Variants in SLC29A4 observed in about 807,000 individuals in gnomAD.
The protein encoded by SLC29A4 is equilibrative nucleoside transporter 4.
A neutral mutation model predicts 43.9 loss-of-function variants in SLC29A4; 36 were observed. The ratio of observed to expected loss-of-function variants is 0.82; its 90% CI spans 0.63 to 1.08. The LOEUF is 1.08. Ranked by LOEUF, SLC29A4 falls within the 50% of genes least tolerant of loss-of-function variation. The pLI is 0.00. For missense variants in SLC29A4, 869 were observed against 755.3 expected, an observed-to-expected ratio of 1.15 and a Z score of -1.77; for synonymous variants, 491 against 338.0, an observed-to-expected ratio of 1.45 and a Z score of -4.97.
chr7:5,284,442 C>T (rs1248029414), intron 1 of SLC29A4, among the ~76,000 whole-genome samples: 1 of 152,164 alleles, frequency 6.6e-6, no homozygotes, highest in South Asian at 2.1e-4. Flanking sequence ...TGAGGGGTGG[C>T]CTCAAGGCCA....
At chr7:5,287,532 G>A (rs1377243451) in intron 1 of SLC29A4, among the ~76,000 whole-genome samples, 2 of 152,146 alleles carry the variant, frequency 1.3e-5, no homozygotes, top group Admixed American at 6.6e-5. Flanking sequence ...AGTCCCGGCC[G>A]CATGGCATCA....
chr7:5,283,959 T>C (rs1784806942), intron 1 of SLC29A4, among the ~76,000 whole-genome samples: 1 of 151,376 alleles, frequency 6.6e-6, no homozygotes, highest in Admixed American at 6.6e-5. Flanking sequence ...TGGGCCACTG[T>C]GCACTTCAGG....
At position 5,287,811 on chromosome 7, in the gene SLC29A4, G is replaced by C. The variant is rs748090137; in HGVS notation, c.-6G>C. The C allele has an allele frequency of 1.8e-5, 29 of 1,609,920 alleles. No homozygotes were observed. The highest frequency in any genetic ancestry group is 2.5e-5 in the Non-Finnish European group (29 of 1,179,472). ...TCTCTCTGCTTTCTCCAAAGCAGAG[G>C]CTGCCATGGGCTCCGTGGGGAGCCA... On this transcript the variant is annotated splice_region_variant and 5_prime_UTR_variant, in exon 2 of 11. Coordinates refer to ENST00000396872, the MANE Select transcript of SLC29A4 (RefSeq NM_153247.4).
At chr7:5,294,658 T>C (rs6952755) in intron 5 of SLC29A4, among the ~76,000 whole-genome samples, 89,215 of 151,934 alleles carry the variant, frequency 0.59, 26,963 homozygotes, top group South Asian at 0.75. Flanking sequence ...GTTTCATCTG[T>C]CAGAGCTTGT....
At position 5,299,068 on chromosome 7, in the gene SLC29A4, C is replaced by G. The variant is rs775101109; in HGVS notation, c.963C>G (p.Ala321=). 2 of 1,611,128 alleles carry G rather than the reference C, an allele frequency of 1.2e-6. No homozygotes were observed. The highest frequency in any genetic ancestry group is 1.7e-6 in the Non-Finnish European group (2 of 1,179,608). The change falls in exon 8 of 11, where the codon GCC becomes GCG. Residue 321 remains alanine (A), a synonymous_variant. Transcript: ENST00000396872. ...PAHEVTGSGG[A]YMRFDVPRPR... ...ACGAGGTGACCGGCAGCGGCGGGGCCTACATGCGCTTTGATGTGCCGCGGC... is the reference window on the plus strand; with the variant it reads ...ACGAGGTGACCGGCAGCGGCGGGGCGTACATGCGCTTTGATGTGCCGCGGC...
At chr7:5,288,057 C>A (rs1003845000) in intron 2 of SLC29A4, 72 bp downstream of exon 2, 1 of 1,493,422 alleles carries the variant, frequency 6.7e-7, no homozygotes, top group Non-Finnish European at 8.9e-7. Context: ...CCAGTGAAGC[C>A]TTGCGGTATC....
At chr7:5,295,298 C>T (rs555436293) in intron 6 of SLC29A4, among the ~76,000 whole-genome samples, 2 of 152,186 alleles carry the variant, frequency 1.3e-5, no homozygotes, top group East Asian at 3.9e-4. Flanking sequence ...ATGTCATGCA[C>T]ATCACACCAT....
At chr7:5,290,907 T>C (rs777068918) in intron 3 of SLC29A4, 44 bp downstream of exon 3, 1 of 1,577,938 alleles carries the variant, frequency 6.3e-7, no homozygotes, top group South Asian at 1.1e-5. Flanking sequence ...GCATCCTCCA[T>C]CATGGCCTGG....
At chr7:5,299,747 C>A (rs1052481700) in intron 9 of SLC29A4, among the ~76,000 whole-genome samples, 1 of 152,162 alleles carries the variant, frequency 6.6e-6, no homozygotes, top group Non-Finnish European at 1.5e-5. Context: ...GGCAGGGACA[C>A]TCAGAAATGG....
intron 9 of SLC29A4, 130 bp from the exon 10 acceptor site, chr7:5,300,292 C>T (rs1786044557): frequency 1.5e-6 from 2 of 1,371,318 alleles, no homozygotes; most frequent in Non-Finnish European, 2.0e-6. Flanking sequence ...CGGAGAAGGG[C>T]AGGGGTGCAG....
chr7:5,286,299 C>T (rs1784941791), intron 1 of SLC29A4, among the ~76,000 whole-genome samples: 2 of 151,892 alleles, frequency 1.3e-5, no homozygotes, highest in African/African-American at 4.8e-5. Flanking sequence ...CCGAGGCGGG[C>T]AGATCACAAG....
intron 2 of SLC29A4, among the ~76,000 whole-genome samples, chr7:5,289,064 C>T (rs909377795): frequency 2.0e-5 from 3 of 152,180 alleles, no homozygotes; most frequent in African/African-American, 7.2e-5. Context: ...TAGTTCTTTT[C>T]TGGAGAGCTG....
chr7:5,299,224 G>A lies in SLC29A4; in HGVS notation c.1022-16G>A, dbSNP rs377350912. The A allele has an allele frequency of 6.2e-6, 10 of 1,604,742 alleles. No individual in the cohort carries two copies. The highest frequency in any genetic ancestry group is 2.2e-5 in the South Asian group (2 of 90,478). ...CCCGTGGGCGCTGCCTCTGACCCCCGCCCGCCACCCTCCAGCCCTGTTACT... is the reference window on the plus strand; with the variant it reads ...CCCGTGGGCGCTGCCTCTGACCCCCACCCGCCACCCTCCAGCCCTGTTACT... On this transcript the variant is annotated splice_polypyrimidine_tract_variant and intron_variant, in intron 8 of 10. Transcript: ENST00000396872.
At position 5,303,238 on chromosome 7, in the gene SLC29A4, A is replaced by G. The variant is rs1786296699; in HGVS notation, c.*299A>G. 4.0e-6 allele frequency: 2 copies of G among 497,004 alleles called. No individual in the cohort carries two copies. The highest frequency in any genetic ancestry group is 3.6e-6 in the Non-Finnish European group (1 of 274,888). The allele number at this position is 497,004 out of a possible 1,614,324, so 30.8% of individuals were successfully genotyped here. A position where few individuals can be genotyped will look rare whatever the true frequency, so the allele number is the denominator to read the frequency against. Reference sequence around the variant, plus strand: ...CAGCGGCCCCGGCTCCAGCCCAGCCAGCACTCTGCAGGGTCACACGCACCG... The same window carrying G: ...CAGCGGCCCCGGCTCCAGCCCAGCCGGCACTCTGCAGGGTCACACGCACCG... On this transcript the variant is annotated 3_prime_UTR_variant, in exon 11 of 11. Coordinates refer to ENST00000396872, the MANE Select transcript of SLC29A4 (RefSeq NM_153247.4).
At chr7:5,291,315 C>T in intron 4 of SLC29A4, 78 bp downstream of exon 4, 5 of 1,342,658 alleles carry the variant, frequency 3.7e-6, no homozygotes, top group Non-Finnish European at 5.2e-6. Context: ...CACCCAGTTT[C>T]CCTGAGCCTC....
At chr7:5,286,522 CAAAAAAA>C (rs57020511) in intron 1 of SLC29A4, among the ~76,000 whole-genome samples, 3 of 114,758 alleles carry the variant, frequency 2.6e-5, no homozygotes, top group South Asian at 2.6e-4. Flanking sequence ...GACTCCATCT[CAAAAAAA>C]AAAAAGAAAA....
At chr7:5,289,539 T>C (rs1785172797) in intron 2 of SLC29A4, among the ~76,000 whole-genome samples, 1 of 152,168 alleles carries the variant, frequency 6.6e-6, no homozygotes. Context: ...AGGTCTCACC[T>C]GATTAGGTCA....
chr7:5,292,706 T>C (rs1785384723), intron 5 of SLC29A4, among the ~76,000 whole-genome samples: 1 of 127,974 alleles, frequency 7.8e-6, no homozygotes. Context: ...TTTTTTTTTT[T>C]TTTTTTTTTT....
chr7:5,297,108 G>A lies in SLC29A4; in HGVS notation c.792G>A (p.Arg264=). Residue 264 remains arginine, a synonymous_variant, in exon 7 of 11, where the codon CGG becomes CGA. Transcript: ENST00000396872. ...GCTTCGTGCTCTTCTATACCACACG[G>A]CCGCGTGACAGCCACCGGGGCAGGC... The part of the protein sequence containing the change: ...RSRFVLFYTT[R]PRDSHRGRPG... 3 of 1,607,298 alleles carry A rather than the reference G, an allele frequency of 1.9e-6. No homozygotes were observed. Among genetic ancestry groups the A allele is most frequent in the Non-Finnish European group, 2.5e-6 (3 of 1,179,678 alleles).
Sources: gnomAD v4.1 joint callset for allele counts (sites outside exome capture counted in the v4.1 genomes callset) on GRCh38, gnomAD v4.1.1 for gene constraint, MANE v1.5 for transcripts, NCBI Gene and HGNC (gene_info 2026-07-23, HGNC 2026-07-21) for gene names.